Variants in NDUFA5 observed in about 807,000 individuals in gnomAD.
The protein encoded by NDUFA5 is NADH dehydrogenase [ubiquinone] 1 alpha subcomplex subunit 5.
Under a neutral mutation model 19.8 loss-of-function variants are expected in NDUFA5, and 11 were observed. That is an observed-to-expected ratio of 0.56 (90% CI 0.35 to 0.92). The LOEUF is 0.92. NDUFA5 is among the 40% of genes least tolerant of loss of function. NDUFA5 has a pLI of 0.01. For missense variants in NDUFA5, 109 were observed against 134.2 expected, an observed-to-expected ratio of 0.81 and a Z score of 0.93; for synonymous variants, 47 against 46.8, an observed-to-expected ratio of 1.00 and a Z score of -0.01.
chr7:123,549,629 T>C (rs1190497073), intron 3 of NDUFA5, among the ~76,000 whole-genome samples: 1 of 152,050 alleles, frequency 6.6e-6, no homozygotes, highest in Admixed American at 6.6e-5. Context: ...ATTTTAAAAA[T>C]TAGCTGGGCA....
Position 123,538,557 on chromosome 7 carries a change from T to A in NDUFA5, c.*3562A>T, listed in dbSNP as rs996099974. Reference sequence around the variant, plus strand: ...ACAATCTCACTGAACACTTAGTTTTTGTTTTTGTTTTTAGTAGAGACGGGG... The same window carrying A: ...ACAATCTCACTGAACACTTAGTTTTAGTTTTTGTTTTTAGTAGAGACGGGG... On this transcript the variant is annotated 3_prime_UTR_variant, in exon 5 of 5. Coordinates refer to ENST00000355749, the MANE Select transcript of NDUFA5 (RefSeq NM_005000.5). 1.3e-5 allele frequency: 2 copies of A among 152,152 alleles called. No individual in the cohort carries two copies. The highest frequency in any genetic ancestry group is 4.8e-5 in the African/African-American group (2 of 41,388). 9.4% of individuals were successfully genotyped at this position (152,152 alleles called of 1,614,324 possible). A position where few individuals can be genotyped will look rare whatever the true frequency, so the allele number is the denominator to read the frequency against.
chr7:123,593,153 G>A, the NDUFA5 span, among the ~76,000 whole-genome samples: 6 of 151,960 alleles, frequency 3.9e-5, no homozygotes, highest in South Asian at 6.2e-4. Context: ...TTTATTTTGA[G>A]CCTATGTGTG....
the NDUFA5 span, among the ~76,000 whole-genome samples, chr7:123,578,243 G>T: frequency 6.7e-6 from 1 of 149,222 alleles, no homozygotes; most frequent in Non-Finnish European, 1.5e-5. Flanking sequence ...CTGATATTTT[G>T]TATCAGTTGG....
upstream of NDUFA5, among the ~76,000 whole-genome samples, chr7:123,561,462 A>T (rs563996750): frequency 4.9e-4 from 74 of 152,174 alleles, no homozygotes; most frequent in Non-Finnish European, 9.3e-4. Flanking sequence ...TCTACTTCTA[A>T]TTCTGGTTCT....
At chr7:123,582,737 G>T in the NDUFA5 span, among the ~76,000 whole-genome samples, 108 of 152,068 alleles carry the variant, frequency 7.1e-4, no homozygotes, top group East Asian at 1.4e-3. Context: ...CCTCCTGGAA[G>T]CTAAGCATCA....
chr7:123,593,343 A>T, the NDUFA5 span, among the ~76,000 whole-genome samples: 1 of 152,024 alleles, frequency 6.6e-6, no homozygotes, highest in Non-Finnish European at 1.5e-5. Context: ...TTGCCCGTTA[A>T]TTGATGCAGT....
chr7:123,546,913 G>C (rs1186520119), intron 3 of NDUFA5: 2 of 395,610 alleles, frequency 5.1e-6, no homozygotes, highest in African/African-American at 2.1e-5. Flanking sequence ...ATCAAGTTAA[G>C]GATGCTGACA....
intron 3 of NDUFA5, chr7:123,546,796 T>C: frequency 1.2e-6 from 1 of 801,040 alleles, no homozygotes; most frequent in Non-Finnish European, 1.8e-6. Flanking sequence ...GATTAACTAC[T>C]GATAATTTGC....
chr7:123,582,469 T>C, the NDUFA5 span, among the ~76,000 whole-genome samples: 1 of 151,978 alleles, frequency 6.6e-6, no homozygotes, highest in Non-Finnish European at 1.5e-5. Flanking sequence ...CAGTATATAG[T>C]TCAGTATATA....
At chr7:123,550,662 C>T (rs1329527068) in intron 2 of NDUFA5, 76 bp from the exon 3 acceptor site, 6 of 628,566 alleles carry the variant, frequency 9.5e-6, no homozygotes, top group Non-Finnish European at 1.6e-5. Flanking sequence ...GTCTCAAAGA[C>T]AAAACAAACA....
chr7:123,546,462 T>A (rs920495622), intron 3 of NDUFA5, among the ~76,000 whole-genome samples: 3 of 152,158 alleles, frequency 2.0e-5, no homozygotes, highest in African/African-American at 7.2e-5. Flanking sequence ...AATTATTTAA[T>A]AGAAGTTTTT....
At chr7:123,568,594 C>T in the NDUFA5 span, among the ~76,000 whole-genome samples, 1 of 152,006 alleles carries the variant, frequency 6.6e-6, no homozygotes, top group Middle Eastern at 3.4e-3. Flanking sequence ...CCACCTCACC[C>T]GTGCCATTTG....
At chr7:123,544,764 TAAAA>T (rs61556029) in intron 4 of NDUFA5, among the ~76,000 whole-genome samples, 17 of 61,822 alleles carry the variant, frequency 2.7e-4, no homozygotes, top group South Asian at 2.0e-3. Context: ...ATGCAAATCT[TAAAA>T]AAAAAAAAAA....
chr7:123,557,666 G>C (rs1199424221), intron 1 of NDUFA5, 109 bp downstream of exon 1: 1 of 1,613,902 alleles, frequency 6.2e-7, no homozygotes, highest in South Asian at 1.1e-5. Context: ...TCCCCGAAAA[G>C]CACCGCCGAG....
At chr7:123,573,454 G>A in the NDUFA5 span, among the ~76,000 whole-genome samples, 1 of 151,890 alleles carries the variant, frequency 6.6e-6, no homozygotes, top group African/African-American at 2.4e-5. Context: ...TTTATTTCTT[G>A]TCTTGGGGCC....
At chr7:123,579,801 A>G in the NDUFA5 span, among the ~76,000 whole-genome samples, 4 of 152,066 alleles carry the variant, frequency 2.6e-5, no homozygotes, top group Non-Finnish European at 2.9e-5. Context: ...TCATTATTCA[A>G]TATTATGAAA....
At chr7:123,569,778 G>A in the NDUFA5 span, among the ~76,000 whole-genome samples, 1 of 151,880 alleles carries the variant, frequency 6.6e-6, no homozygotes, top group Non-Finnish European at 1.5e-5. Flanking sequence ...CAGGGGACAT[G>A]TAGGAAACAC....
the NDUFA5 span, among the ~76,000 whole-genome samples, chr7:123,584,042 T>C: frequency 6.6e-6 from 1 of 151,986 alleles, no homozygotes; most frequent in African/African-American, 2.4e-5. Flanking sequence ...TCTATTTTTA[T>C]ATGTGCATGT....
the NDUFA5 span, among the ~76,000 whole-genome samples, chr7:123,601,151 G>A: frequency 6.6e-6 from 1 of 151,988 alleles, no homozygotes; most frequent in Non-Finnish European, 1.5e-5. Flanking sequence ...CAAATTTAAG[G>A]CAGACTATTT....
Sources: allele counts gnomAD v4.1 joint callset (sites outside exome capture counted in the v4.1 genomes callset), GRCh38; gene constraint gnomAD v4.1.1; transcripts MANE v1.5; gene names NCBI Gene and HGNC (gene_info 2026-07-23, HGNC 2026-07-21).